The following SPECC1 variants were observed in gnomAD, a reference collection of about 807,000 sequenced individuals.
SPECC1 encodes the protein sperm antigen with calponin homology and coiled-coil domains 1, also known as cytospin-B.
A neutral mutation model predicts 104.1 loss-of-function variants in SPECC1; 62 were observed. The ratio of observed to expected loss-of-function variants is 0.60; its 90% CI spans 0.49 to 0.74. The LOEUF is 0.74. Among genes scored for constraint, SPECC1 ranks in the 30% least tolerant of loss-of-function variants. The pLI is 0.00. For synonymous variants in SPECC1, 513 were observed against 501.6 expected, an observed-to-expected ratio of 1.02 and a Z score of -0.30; for missense variants, 1,306 against 1,310.5, an observed-to-expected ratio of 1.00 and a Z score of 0.05.
chr17:20,221,198 T>C (rs2037852529), intron 4 of SPECC1, among the ~76,000 whole-genome samples: 1 of 152,210 alleles, frequency 6.6e-6, no homozygotes, highest in Non-Finnish European at 1.5e-5. Flanking sequence ...TTGGAAACAT[T>C]CCCTTCTCTT....
chr17:20,271,453 T>TGTAGTAGTTGGCTA (rs2040403554), intron 12 of SPECC1, among the ~76,000 whole-genome samples: 2 of 152,142 alleles, frequency 1.3e-5, no homozygotes, highest in Non-Finnish European at 2.9e-5. Context: ...TGTAGTAGTA[T>TGTAGTAGTTGGCTA]ACACTGCTGC....
chr17:20,194,502 A>ATTATTTTGTTTTTTTTTTTTTTT, intron 3 of SPECC1, among the ~76,000 whole-genome samples: 1 of 86,566 alleles, frequency 1.2e-5, no homozygotes, highest in Non-Finnish European at 2.1e-5. Flanking sequence ...AAGAGAACGA[A>ATTATTTTGTTTTTTTTTTTTTTT]TTTTTTTTTT....
At chr17:20,175,276 A>G (rs2034394965) in intron 3 of SPECC1, among the ~76,000 whole-genome samples, 1 of 152,226 alleles carries the variant, frequency 6.6e-6, no homozygotes, top group Non-Finnish European at 1.5e-5. Context: ...CCAGCACAGC[A>G]CTTCGAATTC....
Position 20,257,553 on chromosome 17 carries a change from A to T in SPECC1, c.2783A>T (p.Asp928Val), listed in dbSNP as rs1352373057. Reference protein sequence around the residue: ...LSRPPSLGFGDTRLLSASTRA... With the variant: ...LSRPPSLGFGVTRLLSASTRA... Reference sequence around the variant, plus strand: ...AGACCCCCGTCTCTGGGCTTTGGGGACACAAGACTGCTGAGTGCTTCCACC... The same window carrying T: ...AGACCCCCGTCTCTGGGCTTTGGGGTCACAAGACTGCTGAGTGCTTCCACC... Residue 928 changes from aspartate to valine, a missense_variant, in exon 11 of 15, where the codon GAC (aspartate) becomes GTC (valine). By Grantham distance (152) the Asp-to-Val change is radical. This residue lies in a region of SPECC1 where 1,177 missense variants were observed against 1,139.9 expected (regional missense o/e 1.03). Transcript: ENST00000395527. The T allele has an allele frequency of 6.2e-7, 1 of 1,613,592 alleles. No homozygotes were observed. Among genetic ancestry groups the T allele is most frequent in the Admixed American group, 1.7e-5 (1 of 59,848 alleles).
intron 3 of SPECC1, among the ~76,000 whole-genome samples, chr17:20,135,153 T>G (rs557682307): frequency 1.3e-5 from 2 of 152,212 alleles, no homozygotes; most frequent in Non-Finnish European, 2.9e-5. Flanking sequence ...TGTTACTGAG[T>G]TTGCCATTGA....
At chr17:20,244,156 G>T (rs2039323625) in intron 7 of SPECC1, among the ~76,000 whole-genome samples, 1 of 152,126 alleles carries the variant, frequency 6.6e-6, no homozygotes, top group African/African-American at 2.4e-5. Flanking sequence ...TTGAACCTGG[G>T]AGGTAGAGGT....
intron 3 of SPECC1, among the ~76,000 whole-genome samples, chr17:20,122,487 T>C (rs977231939): frequency 6.6e-6 from 1 of 152,170 alleles, no homozygotes; most frequent in African/African-American, 2.4e-5. Flanking sequence ...GGTTTTTGAA[T>C]TGTGGAAAAA....
In SPECC1 at chr17:20,253,579, C is replaced by G. The variant is rs759591208; in HGVS notation, c.2673C>G (p.Pro891=). Residue 891 remains proline (P), a synonymous_variant, in exon 10 of 15, where the codon CCC becomes CCG. Coordinates refer to ENST00000395527, the MANE Select transcript of SPECC1 (RefSeq NM_001243439.2). ...VTQRLDLPDL[P]LSDILKGRTE... The stretch of plus-strand genomic sequence containing the variant: ...AACGCTTGGACCTTCCTGACCTTCC[C>G]CTCTCAGGTAAATTATGTCAACATA... The G allele has an allele frequency of 1.9e-6, 3 of 1,613,820 alleles. No homozygotes were observed. In the East Asian group the frequency reaches 6.7e-5, roughly 36 times the overall value.
intron 3 of SPECC1, among the ~76,000 whole-genome samples, chr17:20,148,570 A>G (rs1198916304): frequency 1.3e-5 from 2 of 151,764 alleles, no homozygotes; most frequent in Non-Finnish European, 2.9e-5. Flanking sequence ...ACAAGCAATA[A>G]AAGAACTTAT....
At chr17:20,075,340 G>A (rs2046717832) in intron 1 of SPECC1, among the ~76,000 whole-genome samples, 1 of 152,184 alleles carries the variant, frequency 6.6e-6, no homozygotes, top group Non-Finnish European at 1.5e-5. Flanking sequence ...GGATGTGGAG[G>A]CCTAGAGAGG....
chr17:20,172,201 C>T (rs1414447700), intron 3 of SPECC1, among the ~76,000 whole-genome samples: 3 of 152,152 alleles, frequency 2.0e-5, no homozygotes, highest in African/African-American at 7.2e-5. Flanking sequence ...TGTACCACAC[C>T]ACACCCCTTC....
At chr17:20,072,924 G>A (rs1449406806) in intron 1 of SPECC1, among the ~76,000 whole-genome samples, 1 of 152,106 alleles carries the variant, frequency 6.6e-6, no homozygotes, top group African/African-American at 2.4e-5. Context: ...TCTGGGCAGT[G>A]TATTTGGTCC....
At chr17:20,034,455 A>G (rs993197077) in intron 1 of SPECC1, among the ~76,000 whole-genome samples, 2 of 152,116 alleles carry the variant, frequency 1.3e-5, no homozygotes, top group South Asian at 4.2e-4. Flanking sequence ...AAAGAATAAT[A>G]CAGTGAATTC....
At chr17:20,261,752 G>T (rs577004427) in intron 12 of SPECC1, among the ~76,000 whole-genome samples, 1 of 152,152 alleles carries the variant, frequency 6.6e-6, no homozygotes, top group Non-Finnish European at 1.5e-5. Context: ...ATCAGAAAAG[G>T]GAAGTAATAC....
intron 3 of SPECC1, among the ~76,000 whole-genome samples, chr17:20,188,244 T>G (rs2035409542): frequency 7.3e-6 from 1 of 137,930 alleles, no homozygotes; most frequent in Non-Finnish European, 1.5e-5. Context: ...TCCTTAGGTA[T>G]CAAAAGACAT....
In SPECC1 at chr17:20,212,617, C is replaced by A. The variant is rs1472590002; in HGVS notation, c.1863+6705C>A. On this transcript the variant is annotated intron_variant, in intron 4 of 14. Transcript: ENST00000395527. ...TTACCTCCCACTGGGGTCCCTCCCA[C>A]AACATGTGGGAATACAAGATGAGAT... is the stretch of plus-strand genomic sequence containing the variant. Among the ~76,000 whole-genome samples the A allele has an allele frequency of 2.6e-5, 4 of 152,192 alleles. No individual in the cohort carries two copies. The South Asian group carries it at 8.3e-4, about 32-fold the overall frequency.
At position 20,096,675 on chromosome 17, in the gene SPECC1, G is replaced by C. The variant is rs1331512956; in HGVS notation, c.24G>C (p.Trp8Cys). 1.9e-6 allele frequency: 3 copies of C among 1,613,932 alleles called. No individual in the cohort carries two copies. In the African/African-American group the frequency reaches 4.0e-5, roughly 22 times the overall value. Reference sequence around the variant, plus strand: ...GCATGCGGAGTGCAGCCAAGCCCTGGAACCCAGCCATCAGAGCAGGGGGCC... The same window carrying C: ...GCATGCGGAGTGCAGCCAAGCCCTGCAACCCAGCCATCAGAGCAGGGGGCC... The part of the protein sequence containing the change: MRSAAKP[W>C]NPAIRAGGHG... The change falls in exon 2 of 15, where the codon TGG becomes TGC. Residue 8 changes from tryptophan (W) to cysteine (C), a missense_variant. This residue lies in a region of SPECC1 where 1,177 missense variants were observed against 1,139.9 expected (regional missense o/e 1.03). Transcript: ENST00000395527.
At chr17:20,036,950 CT>C (rs779202880) in intron 1 of SPECC1, among the ~76,000 whole-genome samples, 4 of 152,112 alleles carry the variant, frequency 2.6e-5, no homozygotes, top group Non-Finnish European at 5.9e-5. Context: ...CTTTTGTAGT[CT>C]TTTGTAAGCT....
At chr17:20,072,802 C>T (rs1173077762) in intron 1 of SPECC1, among the ~76,000 whole-genome samples, 1 of 152,214 alleles carries the variant, frequency 6.6e-6, no homozygotes, top group Non-Finnish European at 1.5e-5. Flanking sequence ...AATTAAAATG[C>T]AGCTTGTGGC....
Sources: allele counts gnomAD v4.1 joint callset (sites outside exome capture counted in the v4.1 genomes callset), GRCh38; gene constraint gnomAD v4.1.1; regional missense constraint gnomAD v4.1.1; transcripts MANE v1.5; gene names NCBI Gene and HGNC (gene_info 2026-07-23, HGNC 2026-07-21).